The following OTUD3 variants were observed in gnomAD, a reference collection of about 807,000 sequenced individuals.
The protein encoded by OTUD3 is OTU deubiquitinase 3.
OTUD3 carries 24 observed loss-of-function variants against 46.2 expected under a neutral mutation model. The ratio of observed to expected loss-of-function variants is 0.52; its 90% CI spans 0.38 to 0.73. The LOEUF is 0.73. Ranked by LOEUF, OTUD3 falls within the 30% of genes least tolerant of loss-of-function variation. The pLI is 0.00. For missense variants in OTUD3, 455 were observed against 523.3 expected (o/e 0.87, Z 1.27); for synonymous variants, 189 against 195.4 (o/e 0.97, Z 0.27).
chr1:19,888,672 G>T (rs1051121900), intron 1 of OTUD3, among the ~76,000 whole-genome samples: 1 of 152,194 alleles, frequency 6.6e-6, no homozygotes, highest in African/African-American at 2.4e-5. Flanking sequence ...CCTTGGGCAG[G>T]TTTCCCCTGA....
At chr1:19,903,762 T>C (rs967855001) in intron 4 of OTUD3, among the ~76,000 whole-genome samples, 1 of 152,206 alleles carries the variant, frequency 6.6e-6, no homozygotes, top group Non-Finnish European at 1.5e-5. Context: ...AGATGAGTCA[T>C]GCTCATCCGT....
In OTUD3 at chr1:19,907,858, A is replaced by G; in HGVS notation, c.*112A>G. 1 of 899,080 alleles carries G rather than the reference A, an allele frequency of 1.1e-6. No homozygotes were observed. The highest frequency in any genetic ancestry group is 1.7e-6 in the Non-Finnish European group (1 of 593,174). The allele number at this position is 899,080 out of a possible 1,614,324, so 55.7% of individuals were successfully genotyped here. A position where few individuals can be genotyped will look rare whatever the true frequency, so the allele number is the denominator to read the frequency against. On this transcript the variant is annotated 3_prime_UTR_variant, in exon 8 of 8. Coordinates refer to ENST00000375120, the MANE Select transcript of OTUD3 (RefSeq NM_015207.2). ...ACGCAACACAACCAACGAAGCCCAC[A>G]CATGAGCTCACACACTGAGTTAGTT...
At chr1:19,886,206 A>C (rs918959214) in intron 1 of OTUD3, among the ~76,000 whole-genome samples, 7 of 152,180 alleles carry the variant, frequency 4.6e-5, no homozygotes, top group Non-Finnish European at 1.0e-4. Flanking sequence ...GTATAACTCT[A>C]TTTATTAGGC....
chr1:19,898,695 T>A (rs538541019), intron 4 of OTUD3, among the ~76,000 whole-genome samples: 1 of 147,532 alleles, frequency 6.8e-6, no homozygotes, highest in Non-Finnish European at 1.5e-5. Flanking sequence ...ACCATTGCAC[T>A]CCAGCCTGGG....
intron 6 of OTUD3, 106 bp downstream of exon 6, chr1:19,905,093 A>C (rs2045640311): frequency 1.5e-6 from 1 of 686,006 alleles, no homozygotes; most frequent in Non-Finnish European, 2.6e-6. Flanking sequence ...TCTGTCATTC[A>C]TTTAGGAGTT....
intron 1 of OTUD3, among the ~76,000 whole-genome samples, chr1:19,889,698 A>C (rs2045420967): frequency 6.6e-6 from 1 of 152,228 alleles, no homozygotes; most frequent in South Asian, 2.1e-4. Flanking sequence ...TAGAGAAACA[A>C]AATGTGGTGT....
Position 19,908,421 on chromosome 1 carries a change from T to G in OTUD3, c.*675T>G, listed in dbSNP as rs2045692002. ...GTTCATTTGCACTCAAGCCATATGA[T>G]AAATGCAGCTGACTGTTAATTAGGC... On this transcript the variant is annotated 3_prime_UTR_variant, in exon 8 of 8. Transcript: ENST00000375120. The G allele has an allele frequency of 6.6e-6, 1 of 152,362 alleles. No individual in the cohort carries two copies. The highest frequency in any genetic ancestry group is 1.5e-5 in the Non-Finnish European group (1 of 68,042). The allele number at this position is 152,362 out of a possible 1,614,324, so 9.4% of individuals were successfully genotyped here.
chr1:19,882,506 C>T lies in OTUD3; in HGVS notation c.-8C>T. ...CCCTCCTGCCGCTGGGGACTGCAGG[C>T]TAAGGCCATGTCCCGAAAGCAGGCG... On this transcript the variant is annotated 5_prime_UTR_variant, in exon 1 of 8. Coordinates refer to ENST00000375120, the MANE Select transcript of OTUD3 (RefSeq NM_015207.2). 4 of 1,358,486 alleles carry T rather than the reference C, an allele frequency of 2.9e-6. No homozygotes were observed. Among genetic ancestry groups the T allele is most frequent in the Non-Finnish European group, 3.8e-6 (4 of 1,062,924 alleles). The allele number at this position is 1,358,486 out of a possible 1,614,324, so 84.2% of individuals were successfully genotyped here.
chr1:19,885,681 C>T (rs754463491), intron 1 of OTUD3, among the ~76,000 whole-genome samples: 8 of 152,196 alleles, frequency 5.3e-5, no homozygotes, highest in Middle Eastern at 3.2e-3. Context: ...GTCTCGAACT[C>T]CTGACCTCAT....
At chr1:19,887,076 CTTTTTCT>C (rs2045372990) in intron 1 of OTUD3, among the ~76,000 whole-genome samples, 1 of 135,504 alleles carries the variant, frequency 7.4e-6, no homozygotes, top group Non-Finnish European at 1.6e-5. Context: ...TTTTCTTTTT[CTTTTTCT>C]TTTTTTTTTT....
chr1:19,896,222 AT>A (rs112902268), intron 3 of OTUD3, among the ~76,000 whole-genome samples: 1 of 151,680 alleles, frequency 6.6e-6, no homozygotes, highest in Non-Finnish European at 1.5e-5. Flanking sequence ...TGAAACCTAC[AT>A]TTTTTTTCTG....
At chr1:19,903,293 C>A (rs1342990300) in intron 4 of OTUD3, among the ~76,000 whole-genome samples, 1 of 151,862 alleles carries the variant, frequency 6.6e-6, no homozygotes, top group African/African-American at 2.4e-5. Context: ...GTCAAGTGAC[C>A]CACCCCCATC....
Position 19,904,934 on chromosome 1 carries a change from A to G in OTUD3, c.782A>G (p.Asn261Ser). ...CAGAACCTGGAAGCTGAAAATTATA[A>G]TATTGAATCTGCAATAATTGCCGTG... Reference protein sequence around the residue: ...IVQNLEAENYNIESAIIAVLR... With the variant: ...IVQNLEAENYSIESAIIAVLR... Residue 261 changes from asparagine to serine, a missense_variant, in exon 6 of 8, where the codon AAT becomes AGT. Asn to Ser is a conservative substitution (Grantham distance 46). Coordinates refer to ENST00000375120, the MANE Select transcript of OTUD3 (RefSeq NM_015207.2). 3.8e-6 allele frequency: 6 copies of G among 1,598,394 alleles called. No homozygotes were observed. The highest frequency in any genetic ancestry group is 5.1e-6 in the Non-Finnish European group (6 of 1,166,488).
chr1:19,897,376 A>G (rs554685639), intron 3 of OTUD3, among the ~76,000 whole-genome samples, 164 bp from the exon 4 acceptor site: 41 of 152,338 alleles, frequency 2.7e-4, no homozygotes, highest in African/African-American at 9.9e-4. Flanking sequence ...ACGCATAGGA[A>G]GGAGGTAGTT....
Position 19,882,399 on chromosome 1 carries a change from C to G in OTUD3, c.-115C>G. ...GGCGCCGGCGCAGGCGCGGTTGCTG[C>G]GTAGTCGTCGCCGGGCTCCGTTGCC... is the stretch of plus-strand genomic sequence containing the variant. On this transcript the variant is annotated 5_prime_UTR_variant, in exon 1 of 8. Transcript: ENST00000375120. 7.7e-7 allele frequency: 1 copy of G among 1,300,088 alleles called. No individual in the cohort carries two copies. The highest frequency in any genetic ancestry group is 9.7e-7 in the Non-Finnish European group (1 of 1,026,954). The allele number at this position is 1,300,088 out of a possible 1,614,324, so 80.5% of individuals were successfully genotyped here. A position where few individuals can be genotyped will look rare whatever the true frequency, so the allele number is the denominator to read the frequency against.
At position 19,911,793 on chromosome 1, in the gene OTUD3, G is replaced by A. The variant is rs565102036; in HGVS notation, c.*4047G>A. ...GAAAGGGGACAGTCATATTTGTAAC[G>A]TGGAGAGAACACGGAGCACCAGTCA... On this transcript the variant is annotated 3_prime_UTR_variant, in exon 8 of 8. Transcript: ENST00000375120. 5 of 152,374 alleles carry A rather than the reference G, an allele frequency of 3.3e-5. No individual in the cohort carries two copies. Among genetic ancestry groups the A allele is most frequent in the East Asian group, 1.9e-4 (1 of 5,320 alleles). The allele number at this position is 152,374 out of a possible 1,614,324, so 9.4% of individuals were successfully genotyped here.
chr1:19,903,040 C>CTTTTTTTTTTT (rs36114504), intron 4 of OTUD3, among the ~76,000 whole-genome samples: 1 of 58,050 alleles, frequency 1.7e-5, no homozygotes, highest in Admixed American at 2.2e-4. Context: ...AATCTTTTCT[C>CTTTTTTTTTTT]TTTTTTTTTT....
Position 19,908,309 on chromosome 1 carries a change from T to C in OTUD3, c.*563T>C, listed in dbSNP as rs752708879. Reference sequence around the variant, plus strand: ...TTGTTTTCCCAAAGTTACGTGAGGGTTGTGGCCTGCAGTCAGGATGGAAAT... The same window carrying C: ...TTGTTTTCCCAAAGTTACGTGAGGGCTGTGGCCTGCAGTCAGGATGGAAAT... On this transcript the variant is annotated 3_prime_UTR_variant, in exon 8 of 8. Coordinates refer to ENST00000375120, the MANE Select transcript of OTUD3 (RefSeq NM_015207.2). The C allele has an allele frequency of 6.6e-6, 1 of 152,348 alleles. No homozygotes were observed. Among genetic ancestry groups the C allele is most frequent in the Non-Finnish European group, 1.5e-5 (1 of 68,054 alleles). The allele number at this position is 152,348 out of a possible 1,614,324, so 9.4% of individuals were successfully genotyped here. A position where few individuals can be genotyped will look rare whatever the true frequency, so the allele number is the denominator to read the frequency against.
chr1:19,890,388 T>C lies in OTUD3; in HGVS notation c.225T>C (p.Asn75=). Residue 75 remains asparagine, a synonymous_variant, in exon 2 of 8, where the codon AAT becomes AAC. Coordinates refer to ENST00000375120, the MANE Select transcript of OTUD3 (RefSeq NM_015207.2). ...ACTCGTGTTGTTGTTTTGACAGCAA[T>C]TGCTTGTTCAGAGCTCTTGGTGATC... The part of the protein sequence containing the change: ...LKLREVPGDG[N]CLFRALGDQL... 2 of 1,613,826 alleles carry C rather than the reference T, an allele frequency of 1.2e-6. No individual in the cohort carries two copies. The highest frequency in any genetic ancestry group is 1.1e-5 in the South Asian group (1 of 91,050).
Sources: allele counts gnomAD v4.1 joint callset (sites outside exome capture counted in the v4.1 genomes callset), GRCh38; gene constraint gnomAD v4.1.1; transcripts MANE v1.5; gene names NCBI Gene and HGNC (gene_info 2026-07-23, HGNC 2026-07-21).